GRM1: variants seen among roughly 807,000 people sequenced by gnomAD.
The protein encoded by GRM1 is glutamate metabotropic receptor 1, also known as metabotropic glutamate receptor 1.
GRM1 carries 33 observed loss-of-function variants against 90.9 expected under a neutral mutation model. The observed-to-expected ratio is 0.36, with a 90% CI of 0.28 to 0.49. GRM1 has a LOEUF of 0.49. Ranked by LOEUF, GRM1 falls within the 20% of genes least tolerant of loss-of-function variation. GRM1 has a pLI of 0.99. For missense variants in GRM1, 1,190 were observed against 1,534.3 expected (o/e 0.78, Z 3.75); for synonymous variants, 700 against 613.2 (o/e 1.14, Z -2.09).
At chr6:146,365,196 C>T (rs1023098483) in intron 5 of GRM1, 11 of 151,594 alleles carry the variant, frequency 7.3e-5, no homozygotes, top group African/African-American at 2.4e-4. Context: ...AATTGAAGTC[C>T]AAACATTGTC....
At chr6:146,344,581 G>A (rs577762049) in intron 3 of GRM1, among the ~76,000 whole-genome samples, 43 of 152,192 alleles carry the variant, frequency 2.8e-4, no homozygotes, top group African/African-American at 9.4e-4. Context: ...AGTTTCACTA[G>A]CCATGAGTTT....
intron 1 of GRM1, among the ~76,000 whole-genome samples, chr6:146,042,238 T>C (rs1057249822): frequency 4.6e-5 from 7 of 152,028 alleles, no homozygotes; most frequent in Admixed American, 2.0e-4. Context: ...TAGCTCTGTC[T>C]TTCCAGTAGT....
upstream of GRM1, among the ~76,000 whole-genome samples, chr6:146,028,418 G>T (rs1212294424): frequency 1.3e-5 from 2 of 152,006 alleles, no homozygotes; most frequent in African/African-American, 2.4e-5. Context: ...CCTGAAGGCG[G>T]CAGGGCTCAG....
intron 7 of GRM1, among the ~76,000 whole-genome samples, chr6:146,400,502 A>C (rs910867616): frequency 6.6e-6 from 1 of 152,212 alleles, no homozygotes; most frequent in African/African-American, 2.4e-5. Flanking sequence ...AATTCTATTC[A>C]AAGTCCAGAT....
Position 146,434,691 on chromosome 6 carries a change from G to C in GRM1, c.3480G>C (p.Ser1160=), listed in dbSNP as rs1419484327. Residue 1160 remains serine (S), a synonymous_variant, in exon 8 of 8, where the codon TCG becomes TCC. Coordinates refer to ENST00000282753, the MANE Select transcript of GRM1 (RefSeq NM_001278064.2). ...GCGACTCGGTGGCCTCGGGCAGCTC[G>C]GTGCCCAGCTCCCCCGTGTCCGAGT... ...PFRDSVASGS[S]VPSSPVSESV... is the part of the protein sequence containing the mutation. 5 of 1,605,228 alleles carry C rather than the reference G, an allele frequency of 3.1e-6. No homozygotes were observed. Among genetic ancestry groups the C allele is most frequent in the Non-Finnish European group, 4.2e-6 (5 of 1,179,960 alleles).
intron 3 of GRM1, among the ~76,000 whole-genome samples, chr6:146,326,621 A>C (rs1784410062): frequency 6.6e-6 from 1 of 150,694 alleles, no homozygotes; most frequent in African/African-American, 2.5e-5. Flanking sequence ...GATATGAATA[A>C]ATAATAGTAA....
intron 1 of GRM1, among the ~76,000 whole-genome samples, chr6:146,102,763 A>G (rs1777092796): frequency 6.6e-6 from 1 of 152,248 alleles, no homozygotes; most frequent in Admixed American, 6.5e-5. Flanking sequence ...CCAACAGAGT[A>G]TCATACAAGT....
At chr6:146,356,998 C>G (rs1325415604) in intron 4 of GRM1, among the ~76,000 whole-genome samples, 1 of 152,086 alleles carries the variant, frequency 6.6e-6, no homozygotes, top group Non-Finnish European at 1.5e-5. Context: ...GTTTAAATGT[C>G]AGTGCACAAG....
intron 7 of GRM1, among the ~76,000 whole-genome samples, chr6:146,402,751 T>G (rs879874020): frequency 6.6e-6 from 1 of 152,218 alleles, no homozygotes; most frequent in Middle Eastern, 3.2e-3. Context: ...AGGCTGTTTC[T>G]GAGATACGTG....
intron 7 of GRM1, 25 bp from the exon 8 acceptor site, chr6:146,433,847 A>T (rs1394349764): frequency 2.7e-6 from 4 of 1,502,360 alleles, no homozygotes; most frequent in Non-Finnish European, 3.7e-6. Flanking sequence ...ATCTGCAAAT[A>T]AATCCATCTC....
rs533562966 is a variant in GRM1 at position 146,437,443 on chromosome 6, T to C, written c.*2647T>C. 1.3e-5 allele frequency: 2 copies of C among 152,756 alleles called. No individual in the cohort carries two copies. The highest frequency in any genetic ancestry group is 4.8e-5 in the African/African-American group (2 of 41,572). The allele number at this position is 152,756 out of a possible 1,614,324, so 9.5% of individuals were successfully genotyped here. On this transcript the variant is annotated 3_prime_UTR_variant, in exon 8 of 8. Transcript: ENST00000282753. ...TTGTTCAAAATTGGAGATGTACACA[T>C]ACATACCCTATACCAAGAGGGCCGA...
chr6:146,166,055 T>C (rs1777892404), intron 2 of GRM1, among the ~76,000 whole-genome samples: 1 of 152,140 alleles, frequency 6.6e-6, no homozygotes, highest in African/African-American at 2.4e-5. Flanking sequence ...CCAATTTGAA[T>C]AGACGGAAAA....
chr6:146,374,578 T>C (rs561125035), intron 5 of GRM1, among the ~76,000 whole-genome samples: 9 of 152,270 alleles, frequency 5.9e-5, no homozygotes, highest in African/African-American at 1.7e-4. Context: ...TTTGGATTTC[T>C]TCCTGGTTCA....
At chr6:146,197,306 T>C (rs181578448) in intron 2 of GRM1, among the ~76,000 whole-genome samples, 5 of 152,240 alleles carry the variant, frequency 3.3e-5, no homozygotes, top group Non-Finnish European at 7.3e-5. Flanking sequence ...AACTTGAGAT[T>C]AGACAAAATT....
At chr6:146,190,032 T>C (rs1778885226) in intron 2 of GRM1, among the ~76,000 whole-genome samples, 2 of 151,914 alleles carry the variant, frequency 1.3e-5, no homozygotes, top group South Asian at 4.2e-4. Flanking sequence ...GGCCTTGGAG[T>C]TGTTGAGTGG....
chr6:146,146,261 G>A lies in GRM1; in HGVS notation c.701-13087G>A, dbSNP rs1026643748. ...CCATCACCACACCTGGCTAATTTTTGTATTTTTAGTAGAGACGGGATTTCA... is the reference window on the plus strand; with the variant it reads ...CCATCACCACACCTGGCTAATTTTTATATTTTTAGTAGAGACGGGATTTCA... On this transcript the variant is annotated intron_variant, in intron 1 of 7. Transcript: ENST00000282753. 2.6e-5 allele frequency among the ~76,000 whole-genome samples: 4 copies of A among 150,984 alleles called. No homozygotes were observed. The East Asian group carries it at 7.8e-4, about 30-fold the overall frequency.
intron 2 of GRM1, among the ~76,000 whole-genome samples, chr6:146,273,582 C>A (rs1377567078): frequency 6.6e-6 from 1 of 152,224 alleles, no homozygotes. Flanking sequence ...CTCACTCTTA[C>A]AAGTTCTAAG....
At chr6:146,227,287 C>T (rs1780275784) in intron 2 of GRM1, among the ~76,000 whole-genome samples, 1 of 152,042 alleles carries the variant, frequency 6.6e-6, no homozygotes, top group Non-Finnish European at 1.5e-5. Flanking sequence ...TCTGGCCCCA[C>T]TTTCACAGTG....
intron 2 of GRM1, among the ~76,000 whole-genome samples, chr6:146,293,779 T>C (rs1783079419): frequency 6.6e-6 from 1 of 151,770 alleles, no homozygotes; most frequent in African/African-American, 2.4e-5. Context: ...TTGTTAAATA[T>C]ACTATTGTTC....
Sources: allele counts gnomAD v4.1 joint callset (sites outside exome capture counted in the v4.1 genomes callset), GRCh38; gene constraint gnomAD v4.1.1; transcripts MANE v1.5; gene names NCBI Gene and HGNC (gene_info 2026-07-23, HGNC 2026-07-21).